Variants in C2orf49 observed in about 807,000 individuals in gnomAD.
C2orf49 encodes the protein tRNA splicing ligase complex subunit 2.
Under a neutral mutation model 20.6 loss-of-function variants are expected in C2orf49, and 11 were observed. The ratio of observed to expected loss-of-function variants is 0.53; its 90% CI spans 0.34 to 0.88. The LOEUF is 0.88. C2orf49 is among the 40% of genes least tolerant of loss of function. C2orf49 has a pLI of 0.02. For synonymous variants in C2orf49, 134 were observed against 108.5 expected, an observed-to-expected ratio of 1.24 and a Z score of -1.46; for missense variants, 289 against 274.2, an observed-to-expected ratio of 1.05 and a Z score of -0.38.
chr2:105,371,908 A>G, the C2orf49 span, among the ~76,000 whole-genome samples: 3 of 152,074 alleles, frequency 2.0e-5, no homozygotes, highest in African/African-American at 7.2e-5. Flanking sequence ...ACGGGCTTCA[A>G]TTCTCATTTG....
chr2:105,363,164 G>C, the C2orf49 span: 1 of 888,466 alleles, frequency 1.1e-6, no homozygotes, highest in South Asian at 1.7e-5. Context: ...AAAGTCTGCT[G>C]TGTTCAGAGC....
chr2:105,363,854 A>G, the C2orf49 span, among the ~76,000 whole-genome samples: 2 of 152,150 alleles, frequency 1.3e-5, no homozygotes, highest in African/African-American at 4.8e-5. Flanking sequence ...CCTACTCCTT[A>G]CCAGCCCTGT....
chr2:105,374,629 G>GTT, the C2orf49 span: 1 of 152,036 alleles, frequency 6.6e-6, no homozygotes, highest in Non-Finnish European at 1.5e-5. Flanking sequence ...AAAAGATGAG[G>GTT]GAGAGAAAGG....
At chr2:105,340,568 C>G (rs1160854207) in intron 2 of C2orf49, among the ~76,000 whole-genome samples, 1 of 152,124 alleles carries the variant, frequency 6.6e-6, no homozygotes, top group African/African-American at 2.4e-5. Context: ...AGGTAAAACT[C>G]TAAGGTCTTT....
At chr2:105,380,401 C>G in the C2orf49 span, among the ~76,000 whole-genome samples, 1 of 152,148 alleles carries the variant, frequency 6.6e-6, no homozygotes, top group Non-Finnish European at 1.5e-5. Context: ...TATCTATCAT[C>G]TATCTGTTTA....
intron 2 of C2orf49, among the ~76,000 whole-genome samples, chr2:105,342,212 A>G (rs1679689765): frequency 6.6e-6 from 1 of 152,222 alleles, no homozygotes; most frequent in Admixed American, 6.5e-5. Flanking sequence ...GAGATAGGTG[A>G]TATAGATATT....
At chr2:105,338,331 A>T (rs1003792474) in intron 1 of C2orf49, among the ~76,000 whole-genome samples, 1 of 140,116 alleles carries the variant, frequency 7.1e-6, no homozygotes, top group African/African-American at 2.5e-5. Flanking sequence ...GTTGTTTTTC[A>T]TATGGCTTTC....
At chr2:105,373,126 C>T in the C2orf49 span, among the ~76,000 whole-genome samples, 1 of 152,192 alleles carries the variant, frequency 6.6e-6, no homozygotes, top group Non-Finnish European at 1.5e-5. Context: ...CCTCGGCTCA[C>T]ACCCTACGAA....
chr2:105,365,936 G>T, the C2orf49 span, among the ~76,000 whole-genome samples: 2 of 152,178 alleles, frequency 1.3e-5, no homozygotes, highest in Non-Finnish European at 2.9e-5. Context: ...CAGGCATGGT[G>T]GCTCACGCCT....
chr2:105,358,459 A>G, the C2orf49 span: 2 of 152,330 alleles, frequency 1.3e-5, no homozygotes, highest in African/African-American at 4.8e-5. Flanking sequence ...ACCTGGGGCA[A>G]AGCCCTAGAC....
the C2orf49 span, chr2:105,373,391 T>C: frequency 1.5e-6 from 1 of 687,980 alleles, no homozygotes; most frequent in East Asian, 2.8e-5. Flanking sequence ...ATAGAACCTG[T>C]ATGTCCCTGC....
the C2orf49 span, among the ~76,000 whole-genome samples, chr2:105,362,270 A>C: frequency 1.3e-4 from 20 of 152,338 alleles, no homozygotes; most frequent in Middle Eastern, 6.8e-3. Flanking sequence ...ATATTTTAAC[A>C]TAGGTAAAGT....
At chr2:105,340,845 C>T (rs1256839697) in intron 2 of C2orf49, among the ~76,000 whole-genome samples, 2 of 151,944 alleles carry the variant, frequency 1.3e-5, no homozygotes, top group Middle Eastern at 3.2e-3. Flanking sequence ...TGTAAGGCAC[C>T]GTCATAGGCA....
At chr2:105,378,143 A>G in the C2orf49 span, 2 of 471,256 alleles carry the variant, frequency 4.2e-6, no homozygotes, top group Non-Finnish European at 8.8e-6. Flanking sequence ...AAAGCTGGCT[A>G]AGACATGCAC....
the C2orf49 span, among the ~76,000 whole-genome samples, chr2:105,377,230 T>G: frequency 3.3e-5 from 5 of 152,242 alleles, no homozygotes; most frequent in Non-Finnish European, 7.3e-5. Context: ...CTCTGGGGAT[T>G]GGTTGCACAG....
the C2orf49 span, chr2:105,360,505 C>G: frequency 6.6e-6 from 1 of 152,284 alleles, no homozygotes; most frequent in African/African-American, 2.4e-5. Flanking sequence ...TACAGGCGCT[C>G]ACCACCACAC....
chr2:105,363,218 G>A, the C2orf49 span: 1 of 1,518,868 alleles, frequency 6.6e-7, no homozygotes, highest in Non-Finnish European at 9.0e-7. Context: ...CAGGGTCACA[G>A]GCTAAAATGC....
the C2orf49 span, among the ~76,000 whole-genome samples, chr2:105,381,617 A>C: frequency 6.6e-6 from 1 of 152,256 alleles, no homozygotes; most frequent in African/African-American, 2.4e-5. Flanking sequence ...CTTCTCATGA[A>C]ATCCATCCAG....
chr2:105,379,794 T>A, the C2orf49 span, among the ~76,000 whole-genome samples: 1 of 152,174 alleles, frequency 6.6e-6, no homozygotes, highest in Admixed American at 6.5e-5. Flanking sequence ...AAAGGCCAAA[T>A]CCCACTTGGC....
Sources: gnomAD v4.1 joint callset for allele counts (sites outside exome capture counted in the v4.1 genomes callset) on GRCh38, gnomAD v4.1.1 for gene constraint, MANE v1.5 for transcripts, NCBI Gene and HGNC (gene_info 2026-07-23, HGNC 2026-07-21) for gene names.